HECTD2: variants seen among roughly 807,000 people sequenced by gnomAD.
HECTD2 encodes HECT domain E3 ubiquitin protein ligase 2.
A neutral mutation model predicts 103.2 loss-of-function variants in HECTD2; 35 were observed. That is an observed-to-expected ratio of 0.34 (90% CI 0.26 to 0.45). The LOEUF is 0.45. Among genes scored for constraint, HECTD2 ranks in the 20% least tolerant of loss-of-function variants. The pLI, the probability that HECTD2 is intolerant of heterozygous loss-of-function variation, is 1.00. For missense variants in HECTD2, 596 were observed against 937.4 expected (o/e 0.64, Z 4.76); for synonymous variants, 281 against 329.9 (o/e 0.85, Z 1.61).
intron 2 of HECTD2, among the ~76,000 whole-genome samples, chr10:91,443,576 AG>A (rs1230390692): frequency 6.6e-6 from 1 of 152,132 alleles, no homozygotes; most frequent in Non-Finnish European, 1.5e-5. Context: ...CCACTTGAGG[AG>A]GCAGTCTGTC....
intron 12 of HECTD2, 32 bp from the exon 13 acceptor site, chr10:91,492,320 G>A (rs376610422): frequency 6.3e-7 from 1 of 1,592,082 alleles, no homozygotes; most frequent in African/African-American, 1.4e-5. Context: ...ACTGCTCTTT[G>A]TTCTCCTCTA....
At chr10:91,415,098 C>A (rs1227083280) in intron 1 of HECTD2, among the ~76,000 whole-genome samples, 2 of 151,678 alleles carry the variant, frequency 1.3e-5, no homozygotes, top group African/African-American at 4.9e-5. Context: ...CCATGTGGGA[C>A]CTAACTAGAC....
chr10:91,474,287 G>A (rs1845831320), intron 5 of HECTD2, among the ~76,000 whole-genome samples: 1 of 152,148 alleles, frequency 6.6e-6, no homozygotes, highest in African/African-American at 2.4e-5. Context: ...ATAGGAATAA[G>A]TAATTGAATA....
intron 11 of HECTD2, among the ~76,000 whole-genome samples, chr10:91,490,392 A>T (rs1332832879): frequency 6.6e-6 from 1 of 152,184 alleles, no homozygotes; most frequent in Non-Finnish European, 1.5e-5. Flanking sequence ...CAGTGGAAGG[A>T]TTATTGGGAT....
intron 2 of HECTD2, among the ~76,000 whole-genome samples, chr10:91,428,068 G>A (rs1421478591): frequency 6.6e-6 from 1 of 151,410 alleles, no homozygotes; most frequent in Non-Finnish European, 1.5e-5. Flanking sequence ...GTGTAAGGAA[G>A]GGATCCAGTT....
rs1846290709 is a variant in HECTD2 at position 91,487,010 on chromosome 10, A to T, written c.1095-672A>T. 6.6e-6 allele frequency: 1 copy of T among 152,306 alleles called. No individual in the cohort carries two copies. The highest frequency in any genetic ancestry group is 1.9e-4 in the East Asian group (1 of 5,196). The allele number at this position is 152,306 out of a possible 1,614,324, so 9.4% of individuals were successfully genotyped here. On this transcript the variant is annotated intron_variant, in intron 10 of 20. Transcript: ENST00000298068. This position sits in a 1 kb window ranked among gnomAD's most constrained non-coding sequence, Gnocchi z 4.1. ...CAGAAGTGTCATTGCTGCCATATTC[A>T]TTCTTTCTAAATGCATTTATCTCTG...
chr10:91,506,267 TA>T (rs1847166081), intron 20 of HECTD2, among the ~76,000 whole-genome samples: 1 of 151,774 alleles, frequency 6.6e-6, no homozygotes, highest in Non-Finnish European at 1.5e-5. Flanking sequence ...AAGAAATAAC[TA>T]AAATCAGAGC....
At chr10:91,430,228 A>C (rs1190920966) in intron 2 of HECTD2, among the ~76,000 whole-genome samples, 2 of 152,124 alleles carry the variant, frequency 1.3e-5, no homozygotes, top group African/African-American at 2.4e-5. Flanking sequence ...GTTTGATTGC[A>C]CTGTGGTCTG....
chr10:91,435,029 T>G (rs1844056062), intron 2 of HECTD2, among the ~76,000 whole-genome samples: 1 of 151,964 alleles, frequency 6.6e-6, no homozygotes, highest in Non-Finnish European at 1.5e-5. Context: ...TCTTAGCAAC[T>G]GATGGCACAC....
intron 2 of HECTD2, among the ~76,000 whole-genome samples, chr10:91,441,905 T>C (rs866383236): frequency 4.2e-4 from 55 of 131,882 alleles, no homozygotes; most frequent in Middle Eastern, 3.5e-3. Context: ...TTTTTTTTTT[T>C]TTCTTTTTTT....
intron 5 of HECTD2, among the ~76,000 whole-genome samples, chr10:91,470,950 TATC>T (rs1845701565): frequency 6.6e-6 from 1 of 151,772 alleles, no homozygotes; most frequent in Non-Finnish European, 1.5e-5. Context: ...ATCATCTTGA[TATC>T]ATCTTTTCTG....
intron 8 of HECTD2, 124 bp downstream of exon 8, chr10:91,483,200 A>G (rs1846155429): frequency 2.2e-6 from 1 of 448,288 alleles, no homozygotes; most frequent in Non-Finnish European, 3.9e-6. Context: ...TATATTCACA[A>G]TGCTTCAAAA....
chr10:91,496,133 C>G, intron 14 of HECTD2, 81 bp from the exon 15 acceptor site: 1 of 904,448 alleles, frequency 1.1e-6, no homozygotes, highest in Non-Finnish European at 1.6e-6. Flanking sequence ...AAGAAGTATG[C>G]AAAAAATAGA....
At chr10:91,449,267 C>G (rs1171427611) in intron 2 of HECTD2, among the ~76,000 whole-genome samples, 1 of 152,086 alleles carries the variant, frequency 6.6e-6, no homozygotes, top group Non-Finnish European at 1.5e-5. Context: ...TAAACGTAAT[C>G]CATTTCAACA....
At chr10:91,462,034 AT>A (rs1845370012) in intron 4 of HECTD2, 60 bp from the exon 5 acceptor site, 2 of 1,288,330 alleles carry the variant, frequency 1.6e-6, no homozygotes, top group Non-Finnish European at 2.2e-6. Context: ...TATGGTTCAA[AT>A]TTTACTAAGA....
intron 2 of HECTD2, among the ~76,000 whole-genome samples, chr10:91,433,372 G>C (rs1843976803): frequency 6.6e-6 from 1 of 151,846 alleles, no homozygotes. Context: ...TTAGGCAAAT[G>C]CAAGCAAATA....
intron 1 of HECTD2, among the ~76,000 whole-genome samples, chr10:91,412,396 C>T (rs998558201): frequency 6.6e-6 from 1 of 150,714 alleles, no homozygotes; most frequent in Non-Finnish European, 1.5e-5. Context: ...TTGAATTAAA[C>T]TTTGAAAAGG....
At chr10:91,468,449 G>A (rs1315499819) in intron 5 of HECTD2, among the ~76,000 whole-genome samples, 1 of 152,156 alleles carries the variant, frequency 6.6e-6, no homozygotes, top group East Asian at 1.9e-4. Flanking sequence ...CTGAACGAAT[G>A]TCAACTCACT....
chr10:91,501,416 G>A lies in HECTD2; in HGVS notation c.2210+82G>A, dbSNP rs528008055. 1.9e-5 allele frequency: 15 copies of A among 801,536 alleles called. No homozygotes were observed. In the African/African-American group the frequency reaches 2.5e-4, roughly 13 times the overall value. 49.7% of individuals were successfully genotyped at this position (801,536 alleles called of 1,614,324 possible). ...ATGATAATACATTTGGAATCAGGAT[G>A]TGTACTCCGTTTGAAGTTATTTTCA... On this transcript the variant is annotated intron_variant, in intron 20 of 20. Coordinates refer to ENST00000298068, the MANE Select transcript of HECTD2 (RefSeq NM_182765.6).
Sources: allele counts gnomAD v4.1 joint callset (sites outside exome capture counted in the v4.1 genomes callset), GRCh38; gene constraint gnomAD v4.1.1; non-coding constraint Gnocchi (gnomAD v3.1); transcripts MANE v1.5; gene names NCBI Gene and HGNC (gene_info 2026-07-23, HGNC 2026-07-21).